Variants in LGSN observed in about 807,000 individuals in gnomAD.
LGSN encodes the protein lengsin.
In LGSN, 21 loss-of-function variants were observed where a neutral mutation model predicts 19.5. The ratio of observed to expected loss-of-function variants is 1.07; its 90% confidence interval spans 0.76 to 1.55. The LOEUF (loss-of-function observed/expected upper bound fraction) is 1.55. Ranked by LOEUF, LGSN falls within the 40% of genes most tolerant of loss-of-function variation. The pLI, the probability that LGSN is intolerant of heterozygous loss-of-function variation, is 0.00. For synonymous variants in LGSN, 257 were observed against 215.6 expected (o/e 1.19, Z -1.68); for missense variants, 673 against 608.5 (o/e 1.11, Z -1.12).
the LGSN span, among the ~76,000 whole-genome samples, chr6:63,433,745 C>A: frequency 2.6e-5 from 4 of 152,270 alleles, no homozygotes; most frequent in South Asian, 8.3e-4. Context: ...TGCATATAGG[C>A]CATGAGTATT....
chr6:63,530,280 C>T, the LGSN span, among the ~76,000 whole-genome samples: 2 of 152,018 alleles, frequency 1.3e-5, no homozygotes, highest in Non-Finnish European at 2.9e-5. Flanking sequence ...ATAGATGTAA[C>T]CTTGTAAGAG....
At chr6:63,432,207 A>AG in the LGSN span, among the ~76,000 whole-genome samples, 1 of 80,210 alleles carries the variant, frequency 1.2e-5, no homozygotes, top group Admixed American at 1.1e-4. Context: ...AGAAAAGAAA[A>AG]GAAAAGAAAA....
At chr6:63,424,976 TA>T in the LGSN span, among the ~76,000 whole-genome samples, 1 of 113,944 alleles carries the variant, frequency 8.8e-6, no homozygotes, top group Non-Finnish European at 2.1e-5. Context: ...CCAGAATGGA[TA>T]AAAGACATAA....
chr6:63,485,618 C>T, the LGSN span, among the ~76,000 whole-genome samples: 1 of 152,212 alleles, frequency 6.6e-6, no homozygotes, highest in Non-Finnish European at 1.5e-5. Context: ...TCACTGCCTT[C>T]CACAATAGTT....
the LGSN span, among the ~76,000 whole-genome samples, chr6:63,433,410 C>T: frequency 2.0e-4 from 30 of 152,280 alleles, no homozygotes; most frequent in African/African-American, 7.2e-4. Flanking sequence ...TACCAAGTTG[C>T]CTAAAGTCTC....
the LGSN span, among the ~76,000 whole-genome samples, chr6:63,534,580 T>C: frequency 1.3e-5 from 2 of 151,976 alleles, no homozygotes; most frequent in Non-Finnish European, 2.9e-5. Flanking sequence ...TGCAGGAGGC[T>C]GAGGCTAGAG....
chr6:63,292,827 T>C (rs568389409), intron 2 of LGSN, among the ~76,000 whole-genome samples: 5 of 152,206 alleles, frequency 3.3e-5, no homozygotes, highest in South Asian at 2.1e-4. Flanking sequence ...TTTCAGTGAG[T>C]TCAGTAAGTC....
At chr6:63,369,854 T>A in the LGSN span, among the ~76,000 whole-genome samples, 5 of 151,956 alleles carry the variant, frequency 3.3e-5, no homozygotes, top group Non-Finnish European at 5.9e-5. Flanking sequence ...ATACAAAAAA[T>A]TTGCTGGGCG....
chr6:63,559,131 G>A, the LGSN span, among the ~76,000 whole-genome samples: 5 of 152,052 alleles, frequency 3.3e-5, no homozygotes, highest in Admixed American at 1.3e-4. Flanking sequence ...TCCATTAGCG[G>A]GAAATCAACA....
chr6:63,523,165 C>T, the LGSN span, among the ~76,000 whole-genome samples: 2 of 151,914 alleles, frequency 1.3e-5, no homozygotes, highest in East Asian at 1.9e-4. Flanking sequence ...AGTACCCAGC[C>T]GAATCACTCT....
chr6:63,327,371 A>G, the LGSN span, among the ~76,000 whole-genome samples: 2 of 152,220 alleles, frequency 1.3e-5, no homozygotes, highest in Non-Finnish European at 2.9e-5. Flanking sequence ...GCCCAACTCC[A>G]GAGGTTGGTA....
chr6:63,366,691 A>G, the LGSN span, among the ~76,000 whole-genome samples: 1 of 152,210 alleles, frequency 6.6e-6, no homozygotes, highest in Non-Finnish European at 1.5e-5. Context: ...TTCAAACTAT[A>G]CTACAAGGCT....
intron 1 of LGSN, among the ~76,000 whole-genome samples, chr6:63,305,659 G>A (rs1768354482): frequency 6.6e-6 from 1 of 152,184 alleles, no homozygotes; most frequent in African/African-American, 2.4e-5. Context: ...CAACAATGTG[G>A]CAGCTCCAGA....
chr6:63,491,856 C>T, the LGSN span, among the ~76,000 whole-genome samples: 1 of 151,996 alleles, frequency 6.6e-6, no homozygotes, highest in Non-Finnish European at 1.5e-5. Context: ...GGTGAAACCC[C>T]GTCTCTACTA....
At position 63,278,717 on chromosome 6, in the gene LGSN, GCTGGGAA is replaced by G. The variant is rs1767174590; in HGVS notation, c.*1297_*1303del. ...TCCTCCTGCCTTGGCCTCCCAAAGT[GCTGGGAA>G]CTTTCTTCTTATGTATCCAAACACA... On this transcript the variant is annotated 3_prime_UTR_variant, in exon 4 of 4. Coordinates refer to ENST00000370657, the MANE Select transcript of LGSN (RefSeq NM_016571.3). 1 of 151,730 alleles carries G rather than the reference GCTGGGAA, an allele frequency of 6.6e-6. No homozygotes were observed. The highest frequency in any genetic ancestry group is 6.6e-5 in the Admixed American group (1 of 15,222). The allele number at this position is 151,730 out of a possible 1,614,324, so 9.4% of individuals were successfully genotyped here.
chr6:63,561,055 G>A, the LGSN span, among the ~76,000 whole-genome samples: 2 of 152,300 alleles, frequency 1.3e-5, no homozygotes, highest in Admixed American at 6.5e-5. Flanking sequence ...GAACACGTAG[G>A]AAGCCAAATT....
At chr6:63,356,978 C>A in the LGSN span, among the ~76,000 whole-genome samples, 1 of 113,712 alleles carries the variant, frequency 8.8e-6, no homozygotes. Context: ...CCATCCCTCC[C>A]CCCTCCCCCC....
chr6:63,405,238 C>T, the LGSN span, among the ~76,000 whole-genome samples: 1 of 151,770 alleles, frequency 6.6e-6, no homozygotes, highest in Admixed American at 6.6e-5. Context: ...CAAGTCTTTG[C>T]TATCGTGAAT....
the LGSN span, among the ~76,000 whole-genome samples, chr6:63,511,396 G>C: frequency 6.6e-6 from 1 of 152,070 alleles, no homozygotes; most frequent in Non-Finnish European, 1.5e-5. Flanking sequence ...TGGGATTACA[G>C]GCATGCACCA....
Sources: allele counts gnomAD v4.1 joint callset (sites outside exome capture counted in the v4.1 genomes callset), GRCh38; gene constraint gnomAD v4.1.1; transcripts MANE v1.5; gene names NCBI Gene and HGNC (gene_info 2026-07-23, HGNC 2026-07-21).